Variants in PASK observed in about 807,000 individuals in gnomAD.
The protein encoded by PASK is PAS domain-containing serine/threonine-protein kinase.
In PASK, 110 loss-of-function variants were observed where a neutral mutation model predicts 121.0. The ratio of observed to expected loss-of-function variants is 0.91; its 90% CI spans 0.78 to 1.06. PASK has a LOEUF of 1.06. PASK is among the 50% of genes least tolerant of loss of function. PASK has a pLI of 0.00. For synonymous variants in PASK, 686 were observed against 717.8 expected (o/e 0.96, Z 0.71); for missense variants, 1,643 against 1,702.3 (o/e 0.97, Z 0.61).
intron 4 of PASK, chr2:241,139,643 C>T (rs2066608146): frequency 4.3e-6 from 3 of 696,242 alleles, no homozygotes; most frequent in Non-Finnish European, 8.1e-6. Context: ...ACGACACCTC[C>T]CAGGAGTCCA....
chr2:241,116,802 G>A (rs1266223555), intron 12 of PASK, among the ~76,000 whole-genome samples: 2 of 152,260 alleles, frequency 1.3e-5, no homozygotes, highest in African/African-American at 4.8e-5. Context: ...GGAGCGATGG[G>A]CAACCCAGCG....
In PASK at chr2:241,112,110, TATCACCCTG is replaced by T; in HGVS notation, c.3533+121_3533+129del. On this transcript the variant is annotated intron_variant, in intron 15 of 17. Transcript: ENST00000234040. This position sits in a 1 kb window ranked among gnomAD's most constrained non-coding sequence, Gnocchi z 5.2. ...CTGCCTGCCCACTTACTTTCCAGCA[TATCACCCTG>T]ACCACTCAACACTCATCACAAAGAG... 1.3e-6 allele frequency: 1 copy of T among 765,582 alleles called. No individual in the cohort carries two copies. The highest frequency in any genetic ancestry group is 2.6e-5 in the East Asian group (1 of 38,246). 47.4% of individuals were successfully genotyped at this position (765,582 alleles called of 1,614,324 possible). A position where few individuals can be genotyped will look rare whatever the true frequency, so the allele number is the denominator to read the frequency against.
chr2:241,136,865 G>A, intron 7 of PASK, 139 bp downstream of exon 7: 1 of 767,530 alleles, frequency 1.3e-6, no homozygotes. Flanking sequence ...TCCCTCCCTG[G>A]ACCCAAGGTC....
chr2:241,142,924 G>C lies in PASK; in HGVS notation c.109C>G (p.Pro37Ala). The C allele has an allele frequency of 6.2e-7, 1 of 1,613,860 alleles. No individual in the cohort carries two copies. Among genetic ancestry groups the C allele is most frequent in the Non-Finnish European group, 8.5e-7 (1 of 1,179,804 alleles). Residue 37 changes from proline to alanine, a missense_variant, in exon 2 of 18, where the codon CCC becomes GCC. This residue lies in a region of PASK where 1,176 missense variants were observed against 1,162.2 expected (regional missense o/e 1.01). Transcript: ENST00000234040. The part of the protein sequence containing the change: ...EGPAAQTTAE[P>A]SRSFSSAHRH... Reference sequence around the variant, plus strand: ...TGGGCTGAGGAAAACGACCTGCTGGGCTCAGCAGTGGTCTGTGCAGCTGGG... The same window carrying C: ...TGGGCTGAGGAAAACGACCTGCTGGCCTCAGCAGTGGTCTGTGCAGCTGGG...
chr2:241,122,951 G>T, intron 11 of PASK, 52 bp from the exon 12 acceptor site: 1 of 1,577,268 alleles, frequency 6.3e-7, no homozygotes, highest in Non-Finnish European at 8.7e-7. Context: ...ACCGGGCAGA[G>T]GTGCAGCACC....
At chr2:241,138,949 A>C (rs1399360273) in intron 4 of PASK, among the ~76,000 whole-genome samples, 155 bp from the exon 5 acceptor site, 1 of 152,232 alleles carries the variant, frequency 6.6e-6, no homozygotes, top group Non-Finnish European at 1.5e-5. Flanking sequence ...CAAAGCACAA[A>C]CAAGATTTCC....
At position 241,138,050 on chromosome 2, in the gene PASK, A is replaced by T; in HGVS notation, c.779T>A (p.Leu260His). Residue 260 changes from leucine to histidine, a missense_variant, in exon 6 of 18, where the codon CTT becomes CAT. Physicochemically the swap from Leu to His is moderately conservative, Grantham distance 99 (BLOSUM62 -3). This residue lies in a region of PASK where 1,176 missense variants were observed against 1,162.2 expected (regional missense o/e 1.01). Transcript: ENST00000234040. ...GTCCTCCCCAGACACGTACCCGTGA[A>T]GATGAGCAAAGAGACTGTCACATGA... ...VTSCDSLFAH[L>H]HGYVSGEDVA... 6.2e-7 allele frequency: 1 copy of T among 1,614,242 alleles called. No homozygotes were observed. Among genetic ancestry groups the T allele is most frequent in the African/African-American group, 1.3e-5 (1 of 75,074 alleles).
chr2:241,124,210 G>A, intron 10 of PASK, 77 bp from the exon 11 acceptor site: 1 of 1,221,800 alleles, frequency 8.2e-7, no homozygotes, highest in Non-Finnish European at 1.2e-6. Flanking sequence ...GAAAAGTCCA[G>A]TCCCCAGAAT....
At position 241,126,596 on chromosome 2, in the gene PASK, C is replaced by G. The variant is rs1451544619; in HGVS notation, c.2319G>C (p.Leu773Phe). 1 of 1,614,228 alleles carries G rather than the reference C, an allele frequency of 6.2e-7. No homozygotes were observed. Among genetic ancestry groups the G allele is most frequent in the East Asian group, 2.2e-5 (1 of 44,878 alleles). ...TSELRETPSS[L>F]AVGSDPDVGS... is the part of the protein sequence containing the mutation. ...CTACATCTGGATCGGAGCCCACTGC[C>G]AAGGAAGAGGGTGTCTCTCTGAGTT... Residue 773 changes from leucine (L) to phenylalanine (F), a missense_variant, in exon 10 of 18, where the codon TTG becomes TTC. Leu to Phe is a conservative substitution (Grantham distance 22). This residue lies in a region of PASK where 1,176 missense variants were observed against 1,162.2 expected (regional missense o/e 1.01). Coordinates refer to ENST00000234040, the MANE Select transcript of PASK (RefSeq NM_015148.4).
upstream of PASK, chr2:241,149,604 G>A (rs553764606): frequency 7.9e-6 from 12 of 1,512,284 alleles, no homozygotes; most frequent in South Asian, 8.4e-5. Context: ...TGCTAGGGAC[G>A]CACCAAACAC....
intron 1 of PASK, 21 bp downstream of exon 1, chr2:241,149,393 T>G: frequency 4.7e-6 from 2 of 426,766 alleles, no homozygotes; most frequent in Non-Finnish European, 8.4e-6. Flanking sequence ...CGGCCCGCTC[T>G]CCCGAGCGCA....
intron 9 of PASK, among the ~76,000 whole-genome samples, chr2:241,132,320 C>T (rs958398749): frequency 2.0e-5 from 3 of 151,424 alleles, no homozygotes; most frequent in Non-Finnish European, 4.4e-5. Context: ...GTCAGGAAAT[C>T]GAGACCATCC....
At chr2:241,141,821 C>T (rs937623040) in intron 2 of PASK, among the ~76,000 whole-genome samples, 2 of 152,100 alleles carry the variant, frequency 1.3e-5, no homozygotes, top group Non-Finnish European at 2.9e-5. Context: ...TGGCCTGACC[C>T]CGACCATTCT....
At chr2:241,142,133 C>G (rs1041905366) in intron 2 of PASK, among the ~76,000 whole-genome samples, 1 of 152,156 alleles carries the variant, frequency 6.6e-6, no homozygotes, top group Non-Finnish European at 1.5e-5. Flanking sequence ...TCTACACCCT[C>G]AGACACTCCA....
chr2:241,123,515 A>G (rs1208571831), intron 11 of PASK, among the ~76,000 whole-genome samples: 2 of 151,868 alleles, frequency 1.3e-5, no homozygotes, highest in South Asian at 4.2e-4. Context: ...ATTAAAAGAC[A>G]GTGTGAAAAG....
chr2:241,123,845 A>G, intron 11 of PASK, 104 bp downstream of exon 11: 1 of 955,048 alleles, frequency 1.0e-6, no homozygotes, highest in Non-Finnish European at 1.6e-6. Context: ...AGCTACAAAC[A>G]GACTGTATTC....
intron 12 of PASK, among the ~76,000 whole-genome samples, chr2:241,116,191 A>G (rs999112332): frequency 2.0e-5 from 3 of 151,976 alleles, no homozygotes; most frequent in Admixed American, 1.3e-4. Context: ...CAAGCATCCC[A>G]TTACACCAGG....
At chr2:241,137,435 G>C (rs991701034) in intron 6 of PASK, among the ~76,000 whole-genome samples, 171 bp from the exon 7 acceptor site, 8 of 152,282 alleles carry the variant, frequency 5.3e-5, no homozygotes, top group Admixed American at 5.2e-4. Flanking sequence ...GCTGGCCCAG[G>C]AAAGAGCCCT....
At position 241,112,502 on chromosome 2, in the gene PASK, AATAAACTGGAAC is replaced by A. The variant is rs1448285298; in HGVS notation, c.3334-75_3334-64del. ...CAATTCAACTAAAATATGCATTTAA[AATAAACTGGAAC>A]AAAAAAAAACACAAAGAAAAAATAA... On this transcript the variant is annotated intron_variant, in intron 14 of 17. Coordinates refer to ENST00000234040, the MANE Select transcript of PASK (RefSeq NM_015148.4). This position sits in a 1 kb window ranked among gnomAD's most constrained non-coding sequence, Gnocchi z 5.2. The A allele has an allele frequency of 3.9e-6, 4 of 1,013,040 alleles. No individual in the cohort carries two copies. The African/African-American group carries it at 7.4e-5, about 19-fold the overall frequency. The allele number at this position is 1,013,040 out of a possible 1,614,324, so 62.8% of individuals were successfully genotyped here.
Sources: allele counts gnomAD v4.1 joint callset (sites outside exome capture counted in the v4.1 genomes callset), GRCh38; gene constraint gnomAD v4.1.1; regional missense constraint gnomAD v4.1.1; non-coding constraint Gnocchi (gnomAD v3.1); transcripts MANE v1.5; gene names NCBI Gene and HGNC (gene_info 2026-07-23, HGNC 2026-07-21).